CFAP43: variants seen among roughly 807,000 people sequenced by gnomAD.
CFAP43 encodes cilia and flagella associated protein 43.
In CFAP43, 155 loss-of-function variants were observed where a neutral mutation model predicts 218.9. The ratio of observed to expected loss-of-function variants is 0.71; its 90% CI spans 0.62 to 0.81. CFAP43 has a LOEUF of 0.81. CFAP43 is among the 30% of genes least tolerant of loss of function. CFAP43 has a pLI of 0.00. For synonymous variants in CFAP43, 645 were observed against 681.3 expected (o/e 0.95, Z 0.83); for missense variants, 1,778 against 1,954.3 (o/e 0.91, Z 1.70).
intron 3 of CFAP43, among the ~76,000 whole-genome samples, chr10:104,223,961 T>C (rs2135005201): frequency 6.6e-6 from 1 of 152,208 alleles, no homozygotes; most frequent in Admixed American, 6.5e-5. Flanking sequence ...AAATGCAAAC[T>C]AGAGTGACAG....
intron 7 of CFAP43, 125 bp from the exon 8 acceptor site, chr10:104,203,928 G>GCAAA: frequency 9.4e-5 from 73 of 779,758 alleles, no homozygotes; most frequent in Non-Finnish European, 1.3e-4. Flanking sequence ...ATCTATGTTT[G>GCAAA]CATAGATGCA....
chr10:104,177,033 T>C (rs888586677), intron 19 of CFAP43, among the ~76,000 whole-genome samples: 5 of 152,076 alleles, frequency 3.3e-5, no homozygotes, highest in African/African-American at 7.2e-5. Context: ...TTTAGAGTTA[T>C]GAAAAGGTGC....
chr10:104,218,398 G>T (rs1334168450), intron 3 of CFAP43, among the ~76,000 whole-genome samples: 2 of 131,852 alleles, frequency 1.5e-5, no homozygotes, highest in African/African-American at 2.6e-5. Context: ...TTTCCAAAAA[G>T]AATTTTTTTT....
chr10:104,224,754 CAAA>C (rs66877503), intron 3 of CFAP43, among the ~76,000 whole-genome samples: 3 of 70,170 alleles, frequency 4.3e-5, no homozygotes, highest in Admixed American at 1.7e-4. Flanking sequence ...GACTCCATCT[CAAA>C]AAAAAAAAAA....
intron 27 of CFAP43, among the ~76,000 whole-genome samples, chr10:104,157,540 A>G (rs1367463302): frequency 1.3e-5 from 2 of 152,134 alleles, no homozygotes; most frequent in Non-Finnish European, 2.9e-5. Context: ...TGAAAAAAAC[A>G]TAGGGGGTAG....
chr10:104,158,538 G>A (rs1209638146), intron 27 of CFAP43, among the ~76,000 whole-genome samples: 1 of 152,098 alleles, frequency 6.6e-6, no homozygotes, highest in Non-Finnish European at 1.5e-5. Flanking sequence ...TTTAAAAAAT[G>A]TCAATGTCAT....
chr10:104,186,857 A>T (rs2090046488), intron 14 of CFAP43, among the ~76,000 whole-genome samples: 1 of 152,200 alleles, frequency 6.6e-6, no homozygotes, highest in African/African-American at 2.4e-5. Flanking sequence ...GTACTGGGCC[A>T]TTATGTGCAG....
At position 104,142,298 on chromosome 10, in the gene CFAP43, C is replaced by T; in HGVS notation, c.4254G>A (p.Val1418=). 1.2e-6 allele frequency: 2 copies of T among 1,612,718 alleles called. No homozygotes were observed. The highest frequency in any genetic ancestry group is 1.7e-6 in the Non-Finnish European group (2 of 1,179,380). ...CAAATTACAGGATGAGTTCATGGAA[C>T]ACTCTCTCAATCTCCTGTTGCACCT... ...EEKVQQEIER[V]FHELILLQEE... is the part of the protein sequence containing the mutation. The change falls in exon 33 of 38, where the codon GTG becomes GTA. Residue 1418 remains valine, a synonymous_variant. Coordinates refer to ENST00000357060, the MANE Select transcript of CFAP43 (RefSeq NM_025145.7).
intron 25 of CFAP43, 113 bp downstream of exon 25, chr10:104,162,204 T>C (rs552691578): frequency 9.3e-5 from 115 of 1,242,160 alleles, no homozygotes; most frequent in Non-Finnish European, 1.2e-4. Context: ...CAACTGAGAT[T>C]CAAGTGACCT....
chr10:104,200,884 G>A (rs780840495), intron 8 of CFAP43, among the ~76,000 whole-genome samples: 58 of 152,200 alleles, frequency 3.8e-4, no homozygotes, highest in South Asian at 6.2e-4. Context: ...AAGGCCAGAG[G>A]TGGGGATTGG....
chr10:104,148,227 A>G (rs1255698925), intron 28 of CFAP43, among the ~76,000 whole-genome samples: 1 of 152,220 alleles, frequency 6.6e-6, no homozygotes, highest in African/African-American at 2.4e-5. Flanking sequence ...AATACATAAC[A>G]TGAATATATA....
At chr10:104,161,823 T>A in intron 26 of CFAP43, 138 bp downstream of exon 26, 1 of 720,794 alleles carries the variant, frequency 1.4e-6, no homozygotes, top group Non-Finnish European at 2.3e-6. Context: ...GGTAGGTTTA[T>A]AAGGTACTAC....
intron 3 of CFAP43, among the ~76,000 whole-genome samples, chr10:104,219,349 A>T (rs961866637): frequency 2.0e-5 from 3 of 152,146 alleles, no homozygotes; most frequent in African/African-American, 7.2e-5. Flanking sequence ...TCCATGACAC[A>T]GTCATCTCTC....
chr10:104,190,135 CAAAAAAA>C (rs59257656), intron 12 of CFAP43, among the ~76,000 whole-genome samples: 13 of 50,786 alleles, frequency 2.6e-4, no homozygotes, highest in African/African-American at 3.7e-4. Flanking sequence ...GACTCCATCT[CAAAAAAA>C]AAAAAAAAAA....
chr10:104,170,006 A>G (rs1452870827), intron 20 of CFAP43, among the ~76,000 whole-genome samples: 5 of 152,078 alleles, frequency 3.3e-5, no homozygotes, highest in African/African-American at 1.2e-4. Flanking sequence ...GTAGGGTAGT[A>G]GCCTAGTCTC....
At chr10:104,151,206 T>C (rs2088238368) in intron 28 of CFAP43, among the ~76,000 whole-genome samples, 1 of 152,238 alleles carries the variant, frequency 6.6e-6, no homozygotes, top group Admixed American at 6.5e-5. Context: ...AGTGAACATA[T>C]GCATGCATGT....
intron 23 of CFAP43, among the ~76,000 whole-genome samples, chr10:104,166,126 C>T (rs909803983): frequency 6.6e-6 from 1 of 152,114 alleles, no homozygotes; most frequent in South Asian, 2.1e-4. Flanking sequence ...GCAGATCCAG[C>T]TCACTGGCAT....
At chr10:104,179,157 G>C (rs1589714759) in intron 18 of CFAP43, 51 bp from the exon 19 acceptor site, 1 of 76,314 alleles carries the variant, frequency 1.3e-5, no homozygotes, top group Non-Finnish European at 2.0e-5. Flanking sequence ...ATATCAGACA[G>C]AGAGAGAGAG....
At chr10:104,161,197 A>T in intron 26 of CFAP43, 35 bp from the exon 27 acceptor site, 1 of 1,606,482 alleles carries the variant, frequency 6.2e-7, no homozygotes, top group Non-Finnish European at 8.5e-7. Context: ...ATTTCAGCTC[A>T]AACGTTAAAT....
Sources: gnomAD v4.1 joint callset for allele counts (sites outside exome capture counted in the v4.1 genomes callset) on GRCh38, gnomAD v4.1.1 for gene constraint, MANE v1.5 for transcripts, NCBI Gene and HGNC (gene_info 2026-07-23, HGNC 2026-07-21) for gene names.